COBL: variants seen among roughly 807,000 people sequenced by gnomAD.
The protein encoded by COBL is cordon-bleu WH2 repeat protein, also known as protein cordon-bleu.
COBL carries 51 observed loss-of-function variants against 98.8 expected under a neutral mutation model. The observed-to-expected ratio is 0.52, with a 90% confidence interval of 0.41 to 0.65. COBL has a LOEUF of 0.65. Ranked by LOEUF, COBL falls within the 30% of genes least tolerant of loss-of-function variation. The probability of loss-of-function intolerance (pLI) is 0.00; values close to 1 mark genes in which losing one functional copy is unlikely to be tolerated. For synonymous variants in COBL, 634 were observed against 651.7 expected, an observed-to-expected ratio of 0.97 and a Z score of 0.41; for missense variants, 1,617 against 1,617.5, an observed-to-expected ratio of 1.00 and a Z score of 0.01.
Position 51,028,557 on chromosome 7 carries a change from G to C in COBL, c.2539C>G (p.Pro847Ala), listed in dbSNP as rs773182408. The change falls in exon 10 of 13, where the codon CCA becomes GCA. Residue 847 changes from proline to alanine, a missense_variant. Physicochemically the swap from Pro to Ala is conservative, Grantham distance 27. Around this residue, in one of 3 missense-constraint regions of COBL, gnomAD observed 1,304 missense variants for 1,282.0 expected, o/e 1.02. Coordinates refer to ENST00000265136, the MANE Select transcript of COBL (RefSeq NM_015198.5). The part of the protein sequence containing the change: ...PTMGMGHVRV[P>A]AAHTTEVTFL... ...GTGACTTCTGTGGTGTGAGCTGCTG[G>C]CACCCTCACGTGACCCATGCCCATG... 3 of 1,614,248 alleles carry C rather than the reference G, an allele frequency of 1.9e-6. No homozygotes were observed.
At chr7:51,027,165 T>G (rs1040281522) in intron 10 of COBL, among the ~76,000 whole-genome samples, 2 of 152,240 alleles carry the variant, frequency 1.3e-5, no homozygotes, top group African/African-American at 2.4e-5. Context: ...TGCCTCAGTT[T>G]CATCTGCAAA....
At chr7:51,150,238 G>A (rs1785430479) in intron 5 of COBL, among the ~76,000 whole-genome samples, 1 of 152,134 alleles carries the variant, frequency 6.6e-6, no homozygotes, top group Non-Finnish European at 1.5e-5. Flanking sequence ...CCAACCTTCT[G>A]GTCCACTACA....
At chr7:51,228,538 C>G (rs1021762199) in intron 1 of COBL, among the ~76,000 whole-genome samples, 5 of 152,096 alleles carry the variant, frequency 3.3e-5, no homozygotes, top group African/African-American at 1.2e-4. Context: ...TAGAATTTCA[C>G]AGTTTTGACC....
chr7:51,225,486 C>A (rs148901361), intron 1 of COBL, among the ~76,000 whole-genome samples: 2 of 152,184 alleles, frequency 1.3e-5, no homozygotes, highest in Non-Finnish European at 2.9e-5. Context: ...CCTCTCACCC[C>A]CTCCAGTAGG....
At chr7:51,088,241 T>C (rs1583747170) in intron 6 of COBL, among the ~76,000 whole-genome samples, 1 of 152,180 alleles carries the variant, frequency 6.6e-6, no homozygotes, top group South Asian at 2.1e-4. Context: ...TTCTTTCCTC[T>C]GTTTCTTTCT....
rs537172216 is a variant in COBL at position 51,264,266 on chromosome 7, T to A, written c.42-44322A>T. On this transcript the variant is annotated intron_variant, in intron 1 of 12. Transcript: ENST00000265136. The stretch of plus-strand genomic sequence containing the variant: ...AGAAGGGGCTCAAACGTTCTTCCTT[T>A]AGGGGCCTGGCTGAATAAGCCAGGA... Among the ~76,000 whole-genome samples, 6 of 152,238 alleles carry A rather than the reference T, an allele frequency of 3.9e-5. No homozygotes were observed. The South Asian group carries it at 1.2e-3, about 32-fold the overall frequency.
chr7:51,314,640 G>C (rs1179085257), intron 1 of COBL, among the ~76,000 whole-genome samples: 1 of 152,158 alleles, frequency 6.6e-6, no homozygotes, highest in Non-Finnish European at 1.5e-5. Context: ...ACATTTTCTT[G>C]ATGCTTCTTC....
At chr7:51,183,653 A>G (rs1194122312) in intron 5 of COBL, among the ~76,000 whole-genome samples, 1 of 152,258 alleles carries the variant, frequency 6.6e-6, no homozygotes, top group East Asian at 1.9e-4. Flanking sequence ...CAAGAAGACA[A>G]GTTCAATGAC....
At chr7:51,276,431 C>A (rs1799319660) in intron 1 of COBL, among the ~76,000 whole-genome samples, 1 of 152,236 alleles carries the variant, frequency 6.6e-6, no homozygotes, top group South Asian at 2.1e-4. Context: ...GGGGACGGGC[C>A]ATACCCAGGG....
intron 6 of COBL, among the ~76,000 whole-genome samples, 179 bp from the exon 7 acceptor site, chr7:51,085,483 T>C (rs1300200673): frequency 1.3e-5 from 2 of 152,144 alleles, no homozygotes; most frequent in Non-Finnish European, 2.9e-5. Context: ...GGGGAGGCCA[T>C]GAGGCGAGAG....
chr7:51,134,740 T>TA (rs1284286837), intron 6 of COBL, among the ~76,000 whole-genome samples: 1 of 152,118 alleles, frequency 6.6e-6, no homozygotes, highest in Non-Finnish European at 1.5e-5. Flanking sequence ...CTGCATATTA[T>TA]AAAAAAGTTC....
At chr7:51,159,987 A>C (rs1410507625) in intron 5 of COBL, among the ~76,000 whole-genome samples, 1 of 152,118 alleles carries the variant, frequency 6.6e-6, no homozygotes, top group Admixed American at 6.6e-5. Flanking sequence ...CCGCCTCCCG[A>C]GTTCAAGTGA....
intron 5 of COBL, among the ~76,000 whole-genome samples, chr7:51,138,093 G>A (rs961248370): frequency 2.0e-5 from 3 of 152,072 alleles, no homozygotes; most frequent in Admixed American, 6.5e-5. Flanking sequence ...TGCTTTTTAC[G>A]CCATTAGTGC....
intron 6 of COBL, among the ~76,000 whole-genome samples, chr7:51,103,289 G>A (rs1795971235): frequency 6.6e-6 from 1 of 152,106 alleles, no homozygotes; most frequent in African/African-American, 2.4e-5. Flanking sequence ...TTATTTATGT[G>A]TTTGTGTGTG....
chr7:51,269,722 A>G (rs570262070), intron 1 of COBL, among the ~76,000 whole-genome samples: 194 of 152,336 alleles, frequency 1.3e-3, no homozygotes, highest in Non-Finnish European at 1.6e-3. Flanking sequence ...GGAAAGGGAA[A>G]CTGCTTTTCT....
At chr7:51,262,582 C>T (rs1047048695) in intron 1 of COBL, among the ~76,000 whole-genome samples, 41 of 152,200 alleles carry the variant, frequency 2.7e-4, no homozygotes, top group Admixed American at 5.2e-4. Flanking sequence ...CGACAGGCAG[C>T]GCCAAGTCGC....
intron 6 of COBL, among the ~76,000 whole-genome samples, chr7:51,093,999 A>G: frequency 6.6e-6 from 1 of 151,046 alleles, no homozygotes; most frequent in East Asian, 1.9e-4. Flanking sequence ...ATATATGTAT[A>G]TAAAACACAT....
intron 1 of COBL, among the ~76,000 whole-genome samples, chr7:51,300,140 C>CTGTTTTGTTT (rs113190272): frequency 2.1e-4 from 31 of 148,362 alleles, no homozygotes; most frequent in South Asian, 1.1e-3. Context: ...GTTTGCTTTT[C>CTGTTTTGTTT]TGTTTTGTTT....
At chr7:51,132,893 T>C (rs1294071592) in intron 6 of COBL, among the ~76,000 whole-genome samples, 1 of 152,032 alleles carries the variant, frequency 6.6e-6, no homozygotes, top group African/African-American at 2.4e-5. Flanking sequence ...AACTCACTCA[T>C]CCCCATGGGG....
Sources: gnomAD v4.1 joint callset for allele counts (sites outside exome capture counted in the v4.1 genomes callset) on GRCh38, gnomAD v4.1.1 for gene constraint, gnomAD v4.1.1 regional missense constraint, MANE v1.5 for transcripts, NCBI Gene and HGNC (gene_info 2026-07-23, HGNC 2026-07-21) for gene names.